LMLN: variants seen among roughly 807,000 people sequenced by gnomAD.
LMLN encodes leishmanolysin like peptidase.
LMLN carries 70 observed loss-of-function variants against 92.3 expected under a neutral mutation model. The observed-to-expected ratio is 0.76, with a 90% CI of 0.63 to 0.92. The LOEUF (loss-of-function observed/expected upper bound fraction) is 0.92. Among genes scored for constraint, LMLN ranks in the 40% least tolerant of loss-of-function variants. LMLN has a pLI of 0.00. For missense variants in LMLN, 691 were observed against 814.6 expected, an observed-to-expected ratio of 0.85 and a Z score of 1.85; for synonymous variants, 308 against 296.2, an observed-to-expected ratio of 1.04 and a Z score of -0.41.
At chr3:198,032,486 T>G (rs1723103976) in intron 14 of LMLN, among the ~76,000 whole-genome samples, 1 of 152,188 alleles carries the variant, frequency 6.6e-6, no homozygotes, top group Admixed American at 6.5e-5. Context: ...AAGGAGTATC[T>G]GAGGCTGGGT....
intron 5 of LMLN, 149 bp from the exon 6 acceptor site, chr3:197,980,177 G>A (rs973602175): frequency 1.1e-5 from 6 of 569,540 alleles, no homozygotes; most frequent in Non-Finnish European, 1.8e-5. Context: ...GTATTGAGTA[G>A]ACAGGGAGGT....
intron 5 of LMLN, among the ~76,000 whole-genome samples, chr3:197,979,398 G>A (rs1221801428): frequency 6.6e-6 from 1 of 152,238 alleles, no homozygotes; most frequent in Non-Finnish European, 1.5e-5. Context: ...GCTGGGCAAG[G>A]TGCGGTGACT....
intron 1 of LMLN, among the ~76,000 whole-genome samples, chr3:197,971,332 C>T (rs931736352): frequency 6.6e-5 from 10 of 152,110 alleles, no homozygotes; most frequent in Admixed American, 2.0e-4. Context: ...GAAGTACAAG[C>T]AGGGGAAATG....
intron 11 of LMLN, among the ~76,000 whole-genome samples, chr3:198,013,995 C>G (rs1339283556): frequency 7.1e-6 from 1 of 140,366 alleles, no homozygotes; most frequent in African/African-American, 2.8e-5. Context: ...TTTAGAGCCC[C>G]CTAACTAGTC....
At chr3:197,977,854 C>T (rs1353591374) in intron 5 of LMLN, among the ~76,000 whole-genome samples, 2 of 151,260 alleles carry the variant, frequency 1.3e-5, no homozygotes, top group Non-Finnish European at 2.9e-5. Flanking sequence ...AATCTGGATA[C>T]ATATAAAAAT....
chr3:198,040,187 T>C (rs186976280), exon 16 of LMLN: 2 of 152,342 alleles, frequency 1.3e-5, no homozygotes, highest in Admixed American at 1.3e-4. Flanking sequence ...AATAGCAAGG[T>C]ATAAGTTTGG....
chr3:198,005,703 C>T lies in LMLN; in HGVS notation c.1232+6361C>T, dbSNP rs542337810. Among the ~76,000 whole-genome samples, 126 of 150,596 alleles carry T rather than the reference C, an allele frequency of 8.4e-4. 1 individual carries two copies. Among genetic ancestry groups the T allele is most frequent in the African/African-American group, 2.9e-3 (119 of 41,020 alleles). On this transcript the variant is annotated intron_variant, in intron 11 of 15. Coordinates refer to ENST00000330198, the Ensembl canonical transcript of LMLN. ...AGGCTGGAGTGCAGTGGCGCAGTCT[C>T]AGCTCACTGCAACCTCTACCTACTA...
chr3:197,984,018 C>T, exon 7 of LMLN: 3 of 1,612,630 alleles, frequency 1.9e-6, no homozygotes, highest in Non-Finnish European at 2.5e-6. Context: ...GGATGCTGTC[C>T]ACAGTGAAAC....
intron 6 of LMLN, among the ~76,000 whole-genome samples, chr3:197,981,070 TCCAG>T (rs1458408072): frequency 6.6e-6 from 1 of 151,290 alleles, no homozygotes; most frequent in African/African-American, 2.4e-5. Flanking sequence ...GCCACTGCAC[TCCAG>T]CCTGGGCACC....
At chr3:198,014,613 C>G (rs537011933) in intron 11 of LMLN, among the ~76,000 whole-genome samples, 4 of 113,448 alleles carry the variant, frequency 3.5e-5, no homozygotes, top group Admixed American at 1.7e-4. Flanking sequence ...TCTCTCCACC[C>G]TTCAGAGCCC....
At chr3:197,991,844 G>C (rs1721880223) in intron 9 of LMLN, among the ~76,000 whole-genome samples, 1 of 149,058 alleles carries the variant, frequency 6.7e-6, no homozygotes, top group Non-Finnish European at 1.5e-5. Context: ...AATGAGCAAG[G>C]TTTTATTCTA....
intron 11 of LMLN, among the ~76,000 whole-genome samples, chr3:198,009,579 CAGTG>C (rs1217323144): frequency 6.6e-6 from 1 of 152,102 alleles, no homozygotes; most frequent in Non-Finnish European, 1.5e-5. Context: ...TAGCATTCTC[CAGTG>C]AAACATCTGG....
At chr3:198,020,686 C>G (rs140726065) in intron 12 of LMLN, among the ~76,000 whole-genome samples, 134 of 151,360 alleles carry the variant, frequency 8.9e-4, no homozygotes, top group African/African-American at 3.0e-3. Context: ...CTCTGCCTCC[C>G]AGGTTCAAAC....
chr3:197,971,944 C>CTTTTTTTTTTTTTTTTTTTTT (rs756710031), intron 1 of LMLN, among the ~76,000 whole-genome samples: 4 of 81,216 alleles, frequency 4.9e-5, no homozygotes, highest in African/African-American at 9.4e-5. Flanking sequence ...AGTCTCTGTT[C>CTTTTTTTTTTTTTTTTTTTTT]TTTTTTTTTT....
intron 14 of LMLN, among the ~76,000 whole-genome samples, chr3:198,028,086 C>T (rs1057264130): frequency 6.6e-5 from 10 of 152,116 alleles, no homozygotes; most frequent in African/African-American, 1.4e-4. Flanking sequence ...TCCACACACT[C>T]GTGGCCTTCC....
chr3:197,974,254 A>G (rs1721306233), intron 1 of LMLN, 123 bp from the exon 2 acceptor site: 1 of 621,714 alleles, frequency 1.6e-6, no homozygotes, highest in Non-Finnish European at 2.8e-6. Flanking sequence ...ACAGTGGAAT[A>G]TGGGTCACAG....
chr3:198,021,492 A>T (rs868151000), exon 13 of LMLN: 29 of 1,613,996 alleles, frequency 1.8e-5, no homozygotes, highest in Non-Finnish European at 2.5e-5. Flanking sequence ...TTGCCTTATT[A>T]TGGTGGCTCC....
chr3:197,976,667 C>G (rs768798494), exon 5 of LMLN: 15 of 1,591,674 alleles, frequency 9.4e-6, no homozygotes, highest in Non-Finnish European at 1.3e-5. Context: ...GGGAGTGTGC[C>G]GCACACACAA....
At chr3:197,992,417 A>G (rs528160457) in intron 9 of LMLN, among the ~76,000 whole-genome samples, 32 of 152,290 alleles carry the variant, frequency 2.1e-4, no homozygotes, top group African/African-American at 7.5e-4. Context: ...TAGTTAGACT[A>G]AGAAGATGCA....
Sources: gnomAD v4.1 joint callset for allele counts (sites outside exome capture counted in the v4.1 genomes callset) on GRCh38, gnomAD v4.1.1 for gene constraint, MANE v1.5 for transcripts, NCBI Gene and HGNC (gene_info 2026-07-23, HGNC 2026-07-21) for gene names.